The following FGF12 variants were observed in gnomAD, a reference collection of about 807,000 sequenced individuals.
FGF12 encodes fibroblast growth factor 12B.
FGF12 carries 14 observed loss-of-function variants against 23.6 expected under a neutral mutation model. The ratio of observed to expected loss-of-function variants is 0.59; its 90% CI spans 0.39 to 0.93. The LOEUF is 0.93. Ranked by LOEUF, FGF12 falls within the 40% of genes least tolerant of loss-of-function variation. The pLI, the probability that FGF12 is intolerant of heterozygous loss-of-function variation, is 0.00. For synonymous variants in FGF12, 62 were observed against 77.3 expected (o/e 0.80, Z 1.04); for missense variants, 175 against 217.8 (o/e 0.80, Z 1.24).
chr3:192,202,468 G>T (rs1336234509), intron 4 of FGF12, among the ~76,000 whole-genome samples: 1 of 152,212 alleles, frequency 6.6e-6, no homozygotes, highest in African/African-American at 2.4e-5. Flanking sequence ...TCTAATTAAT[G>T]TAGGCAAAAA....
chr3:192,667,206 A>T (rs1716916796), intron 2 of FGF12, among the ~76,000 whole-genome samples: 1 of 152,170 alleles, frequency 6.6e-6, no homozygotes, highest in African/African-American at 2.4e-5. Flanking sequence ...AACTGTAGTG[A>T]ATGCTTTAAT....
chr3:192,684,581 T>C (rs993334945), intron 2 of FGF12, among the ~76,000 whole-genome samples: 14 of 152,174 alleles, frequency 9.2e-5, no homozygotes, highest in Admixed American at 9.2e-4. Context: ...AGGTGACATA[T>C]GTTAAACTAT....
At chr3:192,179,413 A>G (rs1577208224) in intron 4 of FGF12, among the ~76,000 whole-genome samples, 1 of 152,194 alleles carries the variant, frequency 6.6e-6, no homozygotes, top group East Asian at 1.9e-4. Context: ...CTGGAAATGT[A>G]ATGTTGGAGG....
intron 4 of FGF12, among the ~76,000 whole-genome samples, chr3:192,182,186 G>A (rs1716216224): frequency 6.6e-6 from 1 of 152,070 alleles, no homozygotes; most frequent in Non-Finnish European, 1.5e-5. Context: ...ACACAAGCTG[G>A]TAATAGTGTT....
At chr3:192,641,262 C>T (rs1256132147) in intron 2 of FGF12, among the ~76,000 whole-genome samples, 1 of 93,896 alleles carries the variant, frequency 1.1e-5, no homozygotes, top group Admixed American at 9.5e-5. Context: ...CCTGCCACTA[C>T]GCCCGCCTAA....
chr3:192,233,085 G>C (rs1220422690), intron 4 of FGF12, among the ~76,000 whole-genome samples: 2 of 152,060 alleles, frequency 1.3e-5, no homozygotes, highest in Non-Finnish European at 2.9e-5. Flanking sequence ...GGGATTGCTG[G>C]GTTCAATGAT....
chr3:192,339,296 G>A (rs1717574458), intron 3 of FGF12, among the ~76,000 whole-genome samples: 1 of 152,098 alleles, frequency 6.6e-6, no homozygotes, highest in Non-Finnish European at 1.5e-5. Context: ...CAGCTCACAG[G>A]AGCCCTTTGC....
intron 2 of FGF12, among the ~76,000 whole-genome samples, chr3:192,626,673 T>C (rs1386969183): frequency 6.6e-6 from 1 of 152,152 alleles, no homozygotes; most frequent in Admixed American, 6.6e-5. Context: ...AGTGCAGTGG[T>C]GCTATCATAG....
At chr3:192,712,339 A>G (rs529478464) in intron 2 of FGF12, among the ~76,000 whole-genome samples, 11 of 152,088 alleles carry the variant, frequency 7.2e-5, no homozygotes, top group African/African-American at 2.2e-4. Context: ...ATTATTTTCA[A>G]TTTTCTAGAG....
chr3:192,484,837 A>G (rs930311934), intron 2 of FGF12, among the ~76,000 whole-genome samples: 14 of 152,152 alleles, frequency 9.2e-5, no homozygotes, highest in Non-Finnish European at 1.8e-4. Context: ...CTTGTTGGCT[A>G]TTTTCTAGAC....
chr3:192,600,480 G>A (rs1714068298), intron 2 of FGF12, among the ~76,000 whole-genome samples: 1 of 151,898 alleles, frequency 6.6e-6, no homozygotes, highest in South Asian at 2.1e-4. Context: ...GCTTTGGGTA[G>A]TATTAAATAA....
chr3:192,327,835 G>A (rs938643876), intron 4 of FGF12, among the ~76,000 whole-genome samples: 1 of 146,198 alleles, frequency 6.8e-6, no homozygotes, highest in Non-Finnish European at 1.5e-5. Context: ...ATGTAGCTGG[G>A]AACAGAGGTG....
chr3:192,295,559 C>G (rs1280557525), intron 4 of FGF12, among the ~76,000 whole-genome samples: 1 of 152,186 alleles, frequency 6.6e-6, no homozygotes, highest in Non-Finnish European at 1.5e-5. Context: ...CTACATTTCT[C>G]TCTTAATTTT....
chr3:192,484,344 T>C (rs1178169514), intron 2 of FGF12, among the ~76,000 whole-genome samples: 1 of 140,528 alleles, frequency 7.1e-6, no homozygotes, highest in East Asian at 2.2e-4. Flanking sequence ...AAAAAGAACA[T>C]CAATTTGTAT....
At chr3:192,253,075 A>AAT (rs1348647079) in intron 4 of FGF12, among the ~76,000 whole-genome samples, 1 of 152,176 alleles carries the variant, frequency 6.6e-6, no homozygotes, top group African/African-American at 2.4e-5. Context: ...AAATGTATCA[A>AAT]AAATCGTTGG....
At chr3:192,413,275 C>T (rs755170130) in intron 2 of FGF12, among the ~76,000 whole-genome samples, 9 of 152,122 alleles carry the variant, frequency 5.9e-5, no homozygotes, top group Non-Finnish European at 8.8e-5. Flanking sequence ...TGTCAGTTAC[C>T]GTGAAATTCC....
At chr3:192,299,106 A>C (rs1207925715) in intron 4 of FGF12, among the ~76,000 whole-genome samples, 2 of 152,212 alleles carry the variant, frequency 1.3e-5, no homozygotes, top group Non-Finnish European at 2.9e-5. Context: ...ACAAATATCC[A>C]ATCAATATCA....
chr3:192,192,995 T>C (rs1369209646), intron 4 of FGF12, among the ~76,000 whole-genome samples: 1 of 152,156 alleles, frequency 6.6e-6, no homozygotes, highest in Admixed American at 6.5e-5. Flanking sequence ...TGAAATATTG[T>C]TGCTGTAATT....
chr3:192,257,590 A>C (rs1712481490), intron 4 of FGF12, among the ~76,000 whole-genome samples: 1 of 152,260 alleles, frequency 6.6e-6, no homozygotes, highest in Middle Eastern at 3.4e-3. Context: ...GTGGTGGCTA[A>C]GTGTAGTTCA....
Sources: allele counts gnomAD v4.1 joint callset (sites outside exome capture counted in the v4.1 genomes callset), GRCh38; gene constraint gnomAD v4.1.1; transcripts MANE v1.5; gene names NCBI Gene and HGNC (gene_info 2026-07-23, HGNC 2026-07-21).